The following FAM227B variants were observed in gnomAD, a reference collection of about 807,000 sequenced individuals.
FAM227B encodes the protein family with sequence similarity 227 member B, also known as protein FAM227B.
Under a neutral mutation model 73.8 loss-of-function variants are expected in FAM227B, and 88 were observed. That is an observed-to-expected ratio of 1.19 (90% CI 1.00 to 1.42). The LOEUF (loss-of-function observed/expected upper bound fraction) is 1.42. Among genes scored for constraint, FAM227B ranks in the 40% most tolerant of loss-of-function variants. The pLI is 0.00. For missense variants in FAM227B, 632 were observed against 590.9 expected (o/e 1.07, Z -0.72); for synonymous variants, 210 against 190.5 (o/e 1.10, Z -0.84).
At chr15:49,585,609 G>A (rs2076104467) in intron 5 of FAM227B, among the ~76,000 whole-genome samples, 1 of 151,956 alleles carries the variant, frequency 6.6e-6, no homozygotes, top group African/African-American at 2.4e-5. Context: ...ACCAAACACT[G>A]CATGTTCTCA....
At chr15:49,461,323 C>T (rs909894950) in intron 11 of FAM227B, among the ~76,000 whole-genome samples, 1 of 152,166 alleles carries the variant, frequency 6.6e-6, no homozygotes, top group Non-Finnish European at 1.5e-5. Flanking sequence ...AAAATCCATG[C>T]ACAATGTTAG....
At chr15:49,337,096 A>G (rs1449556647) in intron 13 of FAM227B, among the ~76,000 whole-genome samples, 1 of 152,172 alleles carries the variant, frequency 6.6e-6, no homozygotes, top group Non-Finnish European at 1.5e-5. Flanking sequence ...TCTGCTGTTG[A>G]TGGGGATCTA....
At chr15:49,366,464 T>C (rs2045208447) in intron 13 of FAM227B, 4 of 1,018,564 alleles carry the variant, frequency 3.9e-6, no homozygotes, top group Middle Eastern at 2.0e-4. Flanking sequence ...ATCAGAAAGG[T>C]TGCATAGTGG....
intron 13 of FAM227B, among the ~76,000 whole-genome samples, chr15:49,357,433 A>G (rs1000063705): frequency 6.6e-6 from 1 of 151,596 alleles, no homozygotes; most frequent in African/African-American, 2.4e-5. Flanking sequence ...AATACAAACT[A>G]CCATCAGAGA....
At chr15:49,556,913 G>T (rs542161111) in intron 9 of FAM227B, among the ~76,000 whole-genome samples, 221 of 152,270 alleles carry the variant, frequency 1.5e-3, no homozygotes, top group African/African-American at 5.1e-3. Context: ...AGCGTCCATA[G>T]GGGTCATGGG....
At chr15:49,573,607 T>A (rs889241858) in intron 8 of FAM227B, among the ~76,000 whole-genome samples, 1 of 152,186 alleles carries the variant, frequency 6.6e-6, no homozygotes, top group Admixed American at 6.5e-5. Context: ...CTCACTCTTC[T>A]ACTTGCTGCC....
chr15:49,503,230 A>G (rs944442522), intron 11 of FAM227B, among the ~76,000 whole-genome samples: 2 of 152,220 alleles, frequency 1.3e-5, no homozygotes, highest in South Asian at 2.1e-4. Flanking sequence ...ATATGTAGAA[A>G]GCTGAAACTG....
intron 11 of FAM227B, among the ~76,000 whole-genome samples, chr15:49,504,024 G>C (rs1057406781): frequency 2.0e-5 from 3 of 151,860 alleles, no homozygotes; most frequent in African/African-American, 4.8e-5. Flanking sequence ...TTGGAGCCAA[G>C]CCAAATGTCC....
intron 11 of FAM227B, chr15:49,422,677 C>A: frequency 8.8e-7 from 1 of 1,138,312 alleles, no homozygotes; most frequent in Non-Finnish European, 1.3e-6. Context: ...CATTAGTGGT[C>A]CAACACAAAT....
At chr15:49,354,358 C>T (rs544336079) in intron 13 of FAM227B, among the ~76,000 whole-genome samples, 2 of 152,294 alleles carry the variant, frequency 1.3e-5, no homozygotes, top group South Asian at 4.1e-4. Flanking sequence ...CTAGGGAGTG[C>T]CAGACAGTGG....
intron 11 of FAM227B, among the ~76,000 whole-genome samples, chr15:49,446,183 A>T (rs1006911153): frequency 2.0e-5 from 3 of 151,630 alleles, no homozygotes; most frequent in Non-Finnish European, 3.0e-5. Flanking sequence ...CTCACTGATA[A>T]ATATGGGAAC....
At chr15:49,433,326 TCTTA>T (rs1212584114) in intron 11 of FAM227B, among the ~76,000 whole-genome samples, 6 of 151,734 alleles carry the variant, frequency 4.0e-5, no homozygotes, top group Non-Finnish European at 7.4e-5. Context: ...AAGTACCATA[TCTTA>T]CTTTTTATTT....
chr15:49,374,785 C>T (rs2046052288), intron 11 of FAM227B, among the ~76,000 whole-genome samples: 1 of 152,232 alleles, frequency 6.6e-6, no homozygotes, highest in South Asian at 2.1e-4. Context: ...CTCAAAAGAT[C>T]CTCCTACCTT....
intron 11 of FAM227B, among the ~76,000 whole-genome samples, chr15:49,417,922 T>C (rs11884579): frequency 2.6e-5 from 4 of 152,128 alleles, no homozygotes; most frequent in Non-Finnish European, 5.9e-5. Context: ...AAACAATGCA[T>C]CTGACAAAGA....
intron 3 of FAM227B, among the ~76,000 whole-genome samples, chr15:49,596,438 A>G (rs895464319): frequency 6.6e-6 from 1 of 151,958 alleles, no homozygotes; most frequent in African/African-American, 2.4e-5. Flanking sequence ...AGCCAGCACT[A>G]AAAGAACTGC....
chr15:49,412,595 A>T (rs2048943855), intron 11 of FAM227B, among the ~76,000 whole-genome samples: 1 of 152,098 alleles, frequency 6.6e-6, no homozygotes, highest in Admixed American at 6.6e-5. Flanking sequence ...TATAGCTGAA[A>T]TCAAAGAATA....
chr15:49,469,014 A>G (rs2054505602), intron 11 of FAM227B, among the ~76,000 whole-genome samples: 1 of 152,198 alleles, frequency 6.6e-6, no homozygotes, highest in Non-Finnish European at 1.5e-5. Context: ...AAATACAGCT[A>G]CATGTTTTAT....
chr15:49,567,180 A>T (rs1268225884), intron 9 of FAM227B, among the ~76,000 whole-genome samples: 1 of 152,162 alleles, frequency 6.6e-6, no homozygotes, highest in Non-Finnish European at 1.5e-5. Context: ...TGTTTTTGTG[A>T]TCTTTAGACA....
chr15:49,331,345 T>C (rs1411517410), intron 15 of FAM227B: 2 of 154,144 alleles, frequency 1.3e-5, no homozygotes. Context: ...CAGGCTCCTT[T>C]CTTTTCTTTC....
Sources: gnomAD v4.1 joint callset for allele counts (sites outside exome capture counted in the v4.1 genomes callset) on GRCh38, gnomAD v4.1.1 for gene constraint, MANE v1.5 for transcripts, NCBI Gene and HGNC (gene_info 2026-07-23, HGNC 2026-07-21) for gene names.